The following SEZ6L variants were observed in gnomAD, a reference collection of about 807,000 sequenced individuals.
The protein encoded by SEZ6L is seizure related 6 homolog like, also known as seizure 6-like protein.
SEZ6L carries 37 observed loss-of-function variants against 106.2 expected under a neutral mutation model. The observed-to-expected ratio is 0.35, with a 90% CI of 0.27 to 0.46. The LOEUF is 0.46. SEZ6L is among the 20% of genes least tolerant of loss of function. The probability of loss-of-function intolerance (pLI) is 1.00; values close to 1 mark genes in which losing one functional copy is unlikely to be tolerated. For missense variants in SEZ6L, 1,172 were observed against 1,332.8 expected, an observed-to-expected ratio of 0.88 and a Z score of 1.88; for synonymous variants, 541 against 570.4, an observed-to-expected ratio of 0.95 and a Z score of 0.73.
intron 1 of SEZ6L, among the ~76,000 whole-genome samples, chr22:26,184,816 C>T (rs1185415408): frequency 6.6e-6 from 1 of 152,210 alleles, no homozygotes; most frequent in Admixed American, 6.5e-5. Flanking sequence ...TGTGGTGGCT[C>T]ACGCCTGTAA....
At chr22:26,333,526 A>G (rs999009013) in intron 9 of SEZ6L, among the ~76,000 whole-genome samples, 14 of 152,154 alleles carry the variant, frequency 9.2e-5, no homozygotes, top group Admixed American at 2.6e-4. Flanking sequence ...GGTCCTAGGT[A>G]GGAATTGGGG....
intron 1 of SEZ6L, among the ~76,000 whole-genome samples, chr22:26,181,058 A>G (rs1939356668): frequency 6.6e-6 from 1 of 152,206 alleles, no homozygotes; most frequent in South Asian, 2.1e-4. Flanking sequence ...CGTCTGCAAA[A>G]TGAGAATAGA....
chr22:26,298,650 T>A (rs1248842129), intron 4 of SEZ6L, among the ~76,000 whole-genome samples: 3 of 152,140 alleles, frequency 2.0e-5, no homozygotes, highest in Non-Finnish European at 4.4e-5. Flanking sequence ...ACTTCCTGGG[T>A]GGTCTTGCCC....
At chr22:26,273,339 G>A (rs970423819) in intron 1 of SEZ6L, among the ~76,000 whole-genome samples, 6 of 152,248 alleles carry the variant, frequency 3.9e-5, no homozygotes, top group Admixed American at 1.3e-4. Context: ...AGCCCCTGCC[G>A]GGTGGGGAGC....
At chr22:26,226,453 G>T (rs1445749087) in intron 1 of SEZ6L, among the ~76,000 whole-genome samples, 3 of 152,158 alleles carry the variant, frequency 2.0e-5, no homozygotes, top group Non-Finnish European at 2.9e-5. Flanking sequence ...CCTCTCTGTT[G>T]CTCCCAAACA....
intron 1 of SEZ6L, among the ~76,000 whole-genome samples, chr22:26,277,255 C>T (rs945109102): frequency 1.3e-5 from 2 of 152,108 alleles, no homozygotes; most frequent in Non-Finnish European, 2.9e-5. Flanking sequence ...TGAGCCACTG[C>T]ACCCAGACTG....
chr22:26,350,242 T>G (rs2083231128), intron 11 of SEZ6L, among the ~76,000 whole-genome samples: 1 of 150,042 alleles, frequency 6.7e-6, no homozygotes, highest in African/African-American at 2.4e-5. Flanking sequence ...ATATGTATTT[T>G]TTTGAGGCAA....
intron 1 of SEZ6L, among the ~76,000 whole-genome samples, chr22:26,238,206 G>C (rs1043306282): frequency 2.0e-5 from 3 of 152,208 alleles, no homozygotes; most frequent in African/African-American, 7.2e-5. Flanking sequence ...GCCCCATGCA[G>C]TTGATGAAAA....
chr22:26,326,465 C>T (rs1054601022), intron 9 of SEZ6L, among the ~76,000 whole-genome samples: 5 of 152,212 alleles, frequency 3.3e-5, no homozygotes, highest in African/African-American at 7.2e-5. Flanking sequence ...AAAATACTCA[C>T]GTGCCCTTAC....
Position 26,296,931 on chromosome 22 carries a change from G to T in SEZ6L, c.1013G>T (p.Arg338Leu), listed in dbSNP as rs752841877. The part of the protein sequence containing the change: ...NLSDGELLSI[R>L]GVDGPTLTVL... ...TCCGATGGGGAACTGCTCTCCATCC[G>T]CGGGGTGGACGGCCCTACCCTGACC... The change falls in exon 4 of 17, where the codon CGC becomes CTC. Residue 338 changes from arginine (R) to leucine (L), a missense_variant. This residue lies in a region of SEZ6L where 494 missense variants were observed against 445.8 expected (regional missense o/e 1.11). Coordinates refer to ENST00000248933, the MANE Select transcript of SEZ6L (RefSeq NM_021115.5). The T allele has an allele frequency of 9.3e-6, 15 of 1,612,634 alleles. No individual in the cohort carries two copies. The highest frequency in any genetic ancestry group is 3.3e-4 in the Middle Eastern group (2 of 6,080).
chr22:26,201,382 C>CAAAAAAAAAAAAAAAAAAAAAAAA (rs71192905), intron 1 of SEZ6L, among the ~76,000 whole-genome samples: 2 of 75,320 alleles, frequency 2.7e-5, no homozygotes, highest in Non-Finnish European at 4.8e-5. Context: ...TACAAAAATA[C>CAAAAAAAAAAAAAAAAAAAAAAAA]AAAAAAAAAA....
intron 1 of SEZ6L, among the ~76,000 whole-genome samples, chr22:26,195,293 AG>A (rs1265288338): frequency 6.6e-6 from 1 of 152,224 alleles, no homozygotes; most frequent in African/African-American, 2.4e-5. Flanking sequence ...TCAGAGTATT[AG>A]GAATTATATA....
At chr22:26,342,475 GT>G (rs2082867227) in intron 10 of SEZ6L, among the ~76,000 whole-genome samples, 1 of 151,778 alleles carries the variant, frequency 6.6e-6, no homozygotes, top group Non-Finnish European at 1.5e-5. Flanking sequence ...AGATTACGAG[GT>G]CAGGAGATCG....
At chr22:26,226,720 GC>G (rs1322831944) in intron 1 of SEZ6L, among the ~76,000 whole-genome samples, 1 of 152,154 alleles carries the variant, frequency 6.6e-6, no homozygotes, top group African/African-American at 2.4e-5. Context: ...AGCCTTCCTT[GC>G]ACCCAGGAAT....
chr22:26,215,997 G>A (rs1422879744), intron 1 of SEZ6L, among the ~76,000 whole-genome samples: 2 of 152,166 alleles, frequency 1.3e-5, no homozygotes, highest in Non-Finnish European at 2.9e-5. Flanking sequence ...ATTGCATGAC[G>A]GGAGCACTAG....
rs138049001 is a variant in SEZ6L at position 26,241,733 on chromosome 22, T to A, written c.95-50673T>A. Among the ~76,000 whole-genome samples, 850 of 152,256 alleles carry A rather than the reference T, an allele frequency of 5.6e-3. 35 individuals carry two copies. In the East Asian group the frequency reaches 0.097, roughly 17 times the overall value. On this transcript the variant is annotated intron_variant, in intron 1 of 16. Coordinates refer to ENST00000248933, the MANE Select transcript of SEZ6L (RefSeq NM_021115.5). ...ATTTTAAAAACAAACACTTCTAAAATTCCCTTAAATATAGCTTTTGGGCTC... is the reference window on the plus strand; with the variant it reads ...ATTTTAAAAACAAACACTTCTAAAAATCCCTTAAATATAGCTTTTGGGCTC...
At chr22:26,182,912 G>A (rs1361416720) in intron 1 of SEZ6L, among the ~76,000 whole-genome samples, 11 of 152,112 alleles carry the variant, frequency 7.2e-5, no homozygotes, top group Non-Finnish European at 7.4e-5. Context: ...CCTGTCTGCC[G>A]GGAGCCTTTC....
chr22:26,335,814 T>A (rs560623945), intron 9 of SEZ6L, among the ~76,000 whole-genome samples: 31 of 152,262 alleles, frequency 2.0e-4, no homozygotes, highest in East Asian at 1.5e-3. Flanking sequence ...TTGGTGAGCA[T>A]CAAATCCAGC....
intron 9 of SEZ6L, among the ~76,000 whole-genome samples, chr22:26,327,006 G>A (rs912748373): frequency 6.6e-6 from 1 of 152,128 alleles, no homozygotes; most frequent in Admixed American, 6.5e-5. Flanking sequence ...TGTTCTGGCC[G>A]CTCGGATTGG....
Sources: allele counts gnomAD v4.1 joint callset (sites outside exome capture counted in the v4.1 genomes callset), GRCh38; gene constraint gnomAD v4.1.1; regional missense constraint gnomAD v4.1.1; transcripts MANE v1.5; gene names NCBI Gene and HGNC (gene_info 2026-07-23, HGNC 2026-07-21).